MCMBP: variants seen among roughly 807,000 people sequenced by gnomAD.
The protein encoded by MCMBP is minichromosome maintenance complex binding protein, also known as mini-chromosome maintenance complex-binding protein.
A neutral mutation model predicts 81.3 loss-of-function variants in MCMBP; 31 were observed. The observed-to-expected ratio is 0.38, with a 90% CI of 0.29 to 0.51. The LOEUF is 0.51. Among genes scored for constraint, MCMBP ranks in the 20% least tolerant of loss-of-function variants. The pLI is 0.87. For missense variants in MCMBP, 645 were observed against 772.1 expected (o/e 0.84, Z 1.95); for synonymous variants, 267 against 275.9 (o/e 0.97, Z 0.32).
rs1208798589 is a variant in MCMBP at position 119,829,507 on chromosome 10, G to T, written c.*1967C>A. On this transcript the variant is annotated 3_prime_UTR_variant, in exon 16 of 16. Transcript: ENST00000369077. ...AAGTTCCAAACAGGGTTACACAGGA[G>T]TCTACTCAGTTTCCTGGCCATACAG... The T allele has an allele frequency of 1.3e-5, 2 of 152,196 alleles. No homozygotes were observed. Among genetic ancestry groups the T allele is most frequent in the Non-Finnish European group, 2.9e-5 (2 of 68,046 alleles). 9.4% of individuals were successfully genotyped at this position (152,196 alleles called of 1,614,324 possible).
In MCMBP at chr10:119,843,255, G is replaced by A. The variant is rs201072689; in HGVS notation, c.999C>T (p.Thr333=). ...CTAGGCTGTAACACTTACACTTACA[G>A]GTTTTGCTCTCCTCTTTGTTAAGGC... ...PACLNKEESK[T]FVSSFMSELS... Residue 333 remains threonine, a splice_region_variant and synonymous_variant, in exon 9 of 16, where the codon ACC becomes ACT. Transcript: ENST00000369077. 823 of 1,613,480 alleles carry A rather than the reference G, an allele frequency of 5.1e-4. 9 individuals carry two copies. The South Asian group carries it at 8.5e-3, about 17-fold the overall frequency.
chr10:119,843,877 G>A (rs908235362), intron 8 of MCMBP, among the ~76,000 whole-genome samples: 4 of 152,104 alleles, frequency 2.6e-5, no homozygotes, highest in African/African-American at 9.7e-5. Flanking sequence ...GGCCAGGCTG[G>A]TCTCGAACTC....
At chr10:119,844,329 T>C (rs951707707) in intron 8 of MCMBP, among the ~76,000 whole-genome samples, 2 of 152,252 alleles carry the variant, frequency 1.3e-5, no homozygotes, top group African/African-American at 2.4e-5. Context: ...CTTGACTTTA[T>C]AGAATCTATA....
At chr10:119,860,194 C>T (rs1240314297) in intron 1 of MCMBP, among the ~76,000 whole-genome samples, 1 of 152,174 alleles carries the variant, frequency 6.6e-6, no homozygotes, top group African/African-American at 2.4e-5. Flanking sequence ...ACAAGGCCAC[C>T]TAGATTCAGC....
rs750272419 is a variant in MCMBP at position 119,853,083 on chromosome 10, G to C, written c.541C>G (p.Gln181Glu). The C allele has an allele frequency of 6.2e-7, 1 of 1,614,134 alleles. No individual in the cohort carries two copies. Among genetic ancestry groups the C allele is most frequent in the South Asian group, 1.1e-5 (1 of 91,088 alleles). Residue 181 changes from glutamine to glutamate, a missense_variant, in exon 6 of 16, where the codon CAG becomes GAG. By Grantham distance (29) the Gln-to-Glu change is conservative. Coordinates refer to ENST00000369077, the MANE Select transcript of MCMBP (RefSeq NM_001256378.2). ...DDDMDLQPNK[Q>E]KDQHAGARQA... ...CTGGCACCTGCATGTTGGTCTTTCT[G>C]CTTATTGGGCTGTAGGTCCATATCG...
At chr10:119,871,846 A>G (rs776474952) in intron 1 of MCMBP, among the ~76,000 whole-genome samples, 3 of 152,192 alleles carry the variant, frequency 2.0e-5, no homozygotes, top group Non-Finnish European at 4.4e-5. Context: ...AAGTAGCAAC[A>G]GCAATCGCAA....
chr10:119,868,448 T>C (rs982488141), intron 1 of MCMBP, among the ~76,000 whole-genome samples: 1 of 152,120 alleles, frequency 6.6e-6, no homozygotes, highest in African/African-American at 2.4e-5. Context: ...AAAGAAAAAT[T>C]TTGAGATTTG....
At position 119,859,120 on chromosome 10, in the gene MCMBP, C is replaced by T. The variant is rs1328644721; in HGVS notation, c.206G>A (p.Arg69His). 1 of 1,613,818 alleles carries T rather than the reference C, an allele frequency of 6.2e-7. No individual in the cohort carries two copies. The highest frequency in any genetic ancestry group is 8.5e-7 in the Non-Finnish European group (1 of 1,179,870). Reference protein sequence around the residue: ...YLKPNSFVKFRCMIQDMFDPE... With the variant: ...YLKPNSFVKFHCMIQDMFDPE... ...GTCAAACATATCCTGAATCATGCAA[C>T]GAAATTTCACAAAACTATTAGGTTT... Residue 69 changes from arginine (R) to histidine (H), a missense_variant, in exon 3 of 16, where the codon CGT becomes CAT. Coordinates refer to ENST00000369077, the MANE Select transcript of MCMBP (RefSeq NM_001256378.2).
At chr10:119,856,455 ATATAT>A (rs1853047654) in intron 5 of MCMBP, among the ~76,000 whole-genome samples, 1 of 152,232 alleles carries the variant, frequency 6.6e-6, no homozygotes, top group Non-Finnish European at 1.5e-5. Flanking sequence ...CACAAAGACT[ATATAT>A]TATATGAGTC....
rs528795008 is a variant in MCMBP, at chr10:119,858,931, AC to A, written c.286-7del. On this transcript the variant is annotated splice_region_variant and splice_polypyrimidine_tract_variant and intron_variant, in intron 3 of 15. Coordinates refer to ENST00000369077, the MANE Select transcript of MCMBP (RefSeq NM_001256378.2). ...TATTTTCCAAAATGAAGAACCTATG[AC>A]CCCAAACATAGAAAAACAGAATTAT... 398 of 1,612,422 alleles carry A rather than the reference AC, an allele frequency of 2.5e-4. 2 individuals carry two copies. In the African/African-American group the frequency reaches 4.8e-3, roughly 19 times the overall value.
chr10:119,831,728 C>T (rs1852044925), intron 15 of MCMBP, 128 bp from the exon 16 acceptor site: 1 of 1,101,584 alleles, frequency 9.1e-7, no homozygotes, highest in African/African-American at 1.6e-5. Flanking sequence ...ATGGTAGTTA[C>T]ACACAAGTCA....
At chr10:119,867,865 G>T (rs1374183268) in intron 1 of MCMBP, among the ~76,000 whole-genome samples, 1 of 152,170 alleles carries the variant, frequency 6.6e-6, no homozygotes, top group Non-Finnish European at 1.5e-5. Flanking sequence ...AGTGGTAGAA[G>T]AGGTCCAAGC....
chr10:119,858,037 T>C (rs956242280), intron 4 of MCMBP: 3 of 152,394 alleles, frequency 2.0e-5, no homozygotes, highest in African/African-American at 7.2e-5. Context: ...TTTTAGAGTG[T>C]TTCCATAAAA....
At chr10:119,873,574 A>G (rs570612275), upstream of MCMBP, 1 of 152,372 alleles carries the variant, frequency 6.6e-6, no homozygotes, top group African/African-American at 2.4e-5. Flanking sequence ...TACCCTGGAG[A>G]AGGAAGCTAC....
rs1219993342 is a variant in MCMBP at position 119,872,770 on chromosome 10, G to T, written c.-186C>A. 5.5e-6 allele frequency: 1 copy of T among 180,480 alleles called. No homozygotes were observed. The highest frequency in any genetic ancestry group is 2.4e-5 in the African/African-American group (1 of 41,872). The allele number at this position is 180,480 out of a possible 1,614,324, so 11.2% of individuals were successfully genotyped here. On this transcript the variant is annotated 5_prime_UTR_variant, in exon 1 of 16. Coordinates refer to ENST00000369077, the MANE Select transcript of MCMBP (RefSeq NM_001256378.2). The stretch of plus-strand genomic sequence containing the variant: ...CCGCGCCTCAGGGAGCGGCGGCTGC[G>T]GTGGGGCCGCCGAGGAGCTGCTGGC...
In MCMBP at chr10:119,831,556, CG is replaced by C; in HGVS notation, c.1840del (p.Arg614AspfsTer3). 6.2e-7 allele frequency: 1 copy of C among 1,614,008 alleles called. No individual in the cohort carries two copies. Among genetic ancestry groups the C allele is most frequent in the Non-Finnish European group, 8.5e-7 (1 of 1,179,914 alleles). On this transcript the variant is annotated frameshift_variant, in exon 16 of 16. Transcript: ENST00000369077. LOFTEE classifies it high-confidence loss of function. Reference protein sequence around the residue: ...SAGQTTLSRERWLRAKQLESL... With the variant: ...SAGQTTLSREXWLRAKQLESL... ...CTCTAGCTGCTTTGCTCTCAGCCATCGTTCTCTTGACAGCGTTGTCTGACCA... is the reference window on the plus strand; with the variant it reads ...CTCTAGCTGCTTTGCTCTCAGCCATCTTCTCTTGACAGCGTTGTCTGACCA...
chr10:119,865,360 G>C (rs1853415109), intron 1 of MCMBP, among the ~76,000 whole-genome samples: 2 of 152,158 alleles, frequency 1.3e-5, no homozygotes, highest in African/African-American at 4.8e-5. Flanking sequence ...GGGAGGCCAA[G>C]GCAGGCAGAT....
rs762350053 is a variant in MCMBP, at chr10:119,838,566, A to C, written c.1377T>G (p.Thr459=). The C allele has an allele frequency of 1.2e-6, 2 of 1,614,072 alleles. No individual in the cohort carries two copies. Among genetic ancestry groups the C allele is most frequent in the Non-Finnish European group, 8.5e-7 (1 of 1,179,994 alleles). Residue 459 remains threonine (T), a synonymous_variant, in exon 12 of 16, where the codon ACT becomes ACG. Transcript: ENST00000369077. ...TATCCAGCTGCCCCTGTTCCAGGAG[A>C]GTCTCATCGATTACAAGGGAAGTAT... ...PSNTSLVIDE[T]LLEQGQLDTP...
At position 119,858,866 on chromosome 10, in the gene MCMBP, T is replaced by C; in HGVS notation, c.327+18A>G. ...AAATTCTTACTAAAAATGTTTCATA[T>C]ATATTAAAGATACATACCCCACACT... On this transcript the variant is annotated intron_variant, in intron 4 of 15. Coordinates refer to ENST00000369077, the MANE Select transcript of MCMBP (RefSeq NM_001256378.2). 6.4e-7 allele frequency: 1 copy of C among 1,556,562 alleles called. No individual in the cohort carries two copies. The highest frequency in any genetic ancestry group is 2.3e-5 in the East Asian group (1 of 44,420).
Sources: allele counts gnomAD v4.1 joint callset (sites outside exome capture counted in the v4.1 genomes callset), GRCh38; gene constraint gnomAD v4.1.1; transcripts MANE v1.5; gene names NCBI Gene and HGNC (gene_info 2026-07-23, HGNC 2026-07-21).